Variants in SEC11C observed in about 807,000 individuals in gnomAD.
SEC11C encodes SEC11 homolog C, signal peptidase complex subunit, also known as signal peptidase complex catalytic subunit SEC11C.
Under a neutral mutation model 21.9 loss-of-function variants are expected in SEC11C, and 10 were observed. The ratio of observed to expected loss-of-function variants is 0.46; its 90% CI spans 0.28 to 0.77. SEC11C has a LOEUF of 0.77. Ranked by LOEUF, SEC11C falls within the 30% of genes least tolerant of loss-of-function variation. The probability of loss-of-function intolerance (pLI) is 0.12; values close to 1 mark genes in which losing one functional copy is unlikely to be tolerated. For missense variants in SEC11C, 145 were observed against 244.5 expected, an observed-to-expected ratio of 0.59 and a Z score of 2.71; for synonymous variants, 83 against 85.6, an observed-to-expected ratio of 0.97 and a Z score of 0.17.
At chr18:59,153,593 T>G (rs2144040911) in intron 3 of SEC11C, among the ~76,000 whole-genome samples, 1 of 152,260 alleles carries the variant, frequency 6.6e-6, no homozygotes, top group South Asian at 2.1e-4. Context: ...CGCTGTCACC[T>G]ACGCTGGAGT....
intron 1 of SEC11C, chr18:59,148,021 T>C (rs2069297976): frequency 3.3e-5 from 5 of 152,288 alleles, no homozygotes; most frequent in South Asian, 2.1e-4. Context: ...AAGGGGGTCA[T>C]TGAAGCAGAG....
intron 1 of SEC11C, among the ~76,000 whole-genome samples, chr18:59,140,568 T>G (rs1419976797): frequency 6.6e-6 from 1 of 152,180 alleles, no homozygotes; most frequent in Non-Finnish European, 1.5e-5. Context: ...TAAATAATGC[T>G]CCTTGTGCCT....
At chr18:59,157,454 T>A (rs533343935) in intron 4 of SEC11C, 154 bp from the exon 5 acceptor site, 2 of 606,064 alleles carry the variant, frequency 3.3e-6, no homozygotes, top group East Asian at 6.0e-5. Context: ...AATAAAGCTG[T>A]TTGAGACAGG....
chr18:59,144,733 A>AAG, intron 1 of SEC11C, among the ~76,000 whole-genome samples: 1 of 140,326 alleles, frequency 7.1e-6, no homozygotes, highest in East Asian at 3.1e-4. Flanking sequence ...TCTTAAAAAA[A>AAG]AAAAAAAAAA....
At chr18:59,158,571 A>C in intron 5 of SEC11C, 61 bp from the exon 6 acceptor site, 1 of 1,380,760 alleles carries the variant, frequency 7.2e-7, no homozygotes, top group Non-Finnish European at 1.0e-6. Context: ...ATCTGAATAC[A>C]TTTACAGACC....
At chr18:59,143,724 T>G (rs188367213) in intron 1 of SEC11C, among the ~76,000 whole-genome samples, 48 of 152,350 alleles carry the variant, frequency 3.2e-4, no homozygotes, top group Non-Finnish European at 6.3e-4. Flanking sequence ...CATTTTTCAC[T>G]CAACATACTG....
chr18:59,144,115 A>G (rs375753157), intron 1 of SEC11C, among the ~76,000 whole-genome samples: 1 of 152,100 alleles, frequency 6.6e-6, no homozygotes. Flanking sequence ...CGGCCTCTCA[A>G]AGTGCTGGGA....
intron 1 of SEC11C, 62 bp downstream of exon 1, chr18:59,140,097 G>C: frequency 1.4e-6 from 2 of 1,421,738 alleles, no homozygotes. Context: ...GGGGAGTCGG[G>C]GCTTCCCAGT....
At chr18:59,143,285 G>A (rs1401631142) in intron 1 of SEC11C, among the ~76,000 whole-genome samples, 1 of 149,618 alleles carries the variant, frequency 6.7e-6, no homozygotes, top group African/African-American at 2.5e-5. Flanking sequence ...CCAAGGAGGC[G>A]GAGGTTGTAG....
At chr18:59,144,106 G>A (rs1255139673) in intron 1 of SEC11C, among the ~76,000 whole-genome samples, 1 of 151,944 alleles carries the variant, frequency 6.6e-6, no homozygotes, top group Non-Finnish European at 1.5e-5. Flanking sequence ...CGCCCACCTC[G>A]GCCTCTCAAA....
chr18:59,154,246 A>G (rs1005221738), intron 3 of SEC11C, among the ~76,000 whole-genome samples: 2 of 152,290 alleles, frequency 1.3e-5, no homozygotes, highest in African/African-American at 4.8e-5. Context: ...AAGTTGAGGA[A>G]GTGTTGATTA....
intron 2 of SEC11C, 49 bp from the exon 3 acceptor site, chr18:59,152,487 C>T (rs748037958): frequency 6.5e-7 from 1 of 1,538,500 alleles, no homozygotes; most frequent in African/African-American, 1.4e-5. Context: ...ATTCTGATCG[C>T]CTTTTGGACA....
At chr18:59,155,495 A>G (rs2144043798) in intron 3 of SEC11C, 193 bp from the exon 4 acceptor site, 2 of 498,996 alleles carry the variant, frequency 4.0e-6, no homozygotes, top group Middle Eastern at 1.2e-3. Flanking sequence ...AAGTCTACAA[A>G]ACTGTCATTA....
intron 1 of SEC11C, among the ~76,000 whole-genome samples, chr18:59,141,946 G>A (rs1325555640): frequency 3.9e-5 from 6 of 152,214 alleles, no homozygotes; most frequent in Non-Finnish European, 8.8e-5. Flanking sequence ...GGTTGACAAT[G>A]ACTGAGTATG....
intron 1 of SEC11C, among the ~76,000 whole-genome samples, chr18:59,148,735 TC>T (rs1217901388): frequency 3.3e-5 from 5 of 152,030 alleles, no homozygotes; most frequent in Non-Finnish European, 7.4e-5. Context: ...TGCCTCCGGC[TC>T]CCAAGTAGCT....
intron 3 of SEC11C, chr18:59,152,917 A>C (rs950722032): frequency 2.9e-6 from 1 of 341,742 alleles, no homozygotes; most frequent in Non-Finnish European, 5.3e-6. Flanking sequence ...TTACTAAAGC[A>C]ATTCATAAAC....
At chr18:59,140,637 T>G (rs2069199181) in intron 1 of SEC11C, among the ~76,000 whole-genome samples, 1 of 152,200 alleles carries the variant, frequency 6.6e-6, no homozygotes, top group Admixed American at 6.5e-5. Flanking sequence ...CCAGCGAGAT[T>G]CCAGAAGCCT....
intron 1 of SEC11C, chr18:59,147,402 C>T (rs890369735): frequency 6.6e-6 from 1 of 152,294 alleles, no homozygotes; most frequent in Middle Eastern, 3.4e-3. Flanking sequence ...GGGATCTAAC[C>T]TGTCTAACAT....
intron 1 of SEC11C, among the ~76,000 whole-genome samples, chr18:59,143,855 C>CTT (rs1555657597): frequency 4.3e-5 from 3 of 70,168 alleles, no homozygotes; most frequent in African/African-American, 6.4e-5. Context: ...CTGCCATTTT[C>CTT]TTTTTTTTTT....
Sources: gnomAD v4.1 joint callset for allele counts (sites outside exome capture counted in the v4.1 genomes callset) on GRCh38, gnomAD v4.1.1 for gene constraint, MANE v1.5 for transcripts, NCBI Gene and HGNC (gene_info 2026-07-23, HGNC 2026-07-21) for gene names.